Variants in DNAH14 observed in about 807,000 individuals in gnomAD.
The protein encoded by DNAH14 is axonemal beta dynein heavy chain 14.
A neutral mutation model predicts 520.9 loss-of-function variants in DNAH14; 478 were observed. The observed-to-expected ratio is 0.92, with a 90% CI of 0.85 to 0.99. The LOEUF (loss-of-function observed/expected upper bound fraction) is 0.99. DNAH14 is among the 50% of genes least tolerant of loss of function. DNAH14 has a pLI of 0.00. For missense variants in DNAH14, 4,831 were observed against 5,234.5 expected, an observed-to-expected ratio of 0.92 and a Z score of 2.38; for synonymous variants, 1,581 against 1,757.2, an observed-to-expected ratio of 0.90 and a Z score of 2.51.
chr1:225,290,053 C>G lies in DNAH14; in HGVS notation c.8440C>G (p.Leu2814Val). 1 of 1,493,246 alleles carries G rather than the reference C, an allele frequency of 6.7e-7. No homozygotes were observed. Among genetic ancestry groups the G allele is most frequent in the Non-Finnish European group, 8.9e-7 (1 of 1,117,462 alleles). The allele number at this position is 1,493,246 out of a possible 1,614,324, so 92.5% of individuals were successfully genotyped here. A position where few individuals can be genotyped will look rare whatever the true frequency, so the allele number is the denominator to read the frequency against. ...AGGATTAAAAGGGAAACCCACTGTT[C>G]TGATGGTTCCCAATTTAAACATAGA... ...HAGLKGKPTV[L>V]MVPNLNIEQD... Residue 2814 changes from leucine (L) to valine (V), a missense_variant, in exon 55 of 86, where the codon CTG (leucine) becomes GTG (valine). Leu to Val is a conservative substitution (Grantham distance 32). Coordinates refer to ENST00000682510, the MANE Select transcript of DNAH14 (RefSeq NM_001367479.1).
chr1:225,297,632 A>G (rs1296311974), intron 55 of DNAH14, among the ~76,000 whole-genome samples: 5 of 152,214 alleles, frequency 3.3e-5, no homozygotes, highest in Admixed American at 2.6e-4. Context: ...GTTGTAATCC[A>G]TGCTGGTGAC....
chr1:225,022,007 C>T (rs187253491), intron 10 of DNAH14, among the ~76,000 whole-genome samples: 4 of 152,040 alleles, frequency 2.6e-5, no homozygotes, highest in Admixed American at 2.6e-4. Flanking sequence ...GGAGAAAGAA[C>T]TCCCTTTTCA....
In DNAH14 at chr1:225,043,870, T is replaced by C. The variant is rs1202634807; in HGVS notation, c.1815-16T>C. On this transcript the variant is annotated splice_polypyrimidine_tract_variant and intron_variant, in intron 14 of 85. Transcript: ENST00000682510. ...TATATTCCTCTGAAATATGCTTTTA[T>C]TGTTTTCTCTGTTAGATTTCCAGAA... The C allele has an allele frequency of 2.0e-6, 3 of 1,497,730 alleles. No individual in the cohort carries two copies. The highest frequency in any genetic ancestry group is 2.7e-6 in the Non-Finnish European group (3 of 1,103,414). The allele number at this position is 1,497,730 out of a possible 1,614,324, so 92.8% of individuals were successfully genotyped here.
chr1:225,228,610 G>A (rs1031767696), intron 41 of DNAH14, among the ~76,000 whole-genome samples: 5 of 151,960 alleles, frequency 3.3e-5, no homozygotes, highest in African/African-American at 1.2e-4. Flanking sequence ...CCACTCCTGG[G>A]GGGGGTCACT....
Position 225,270,744 on chromosome 1 carries a change from G to A in DNAH14, c.7549G>A (p.Asp2517Asn), listed in dbSNP as rs1295336302. The change falls in exon 50 of 86, where the codon GAT (aspartate) becomes AAT (asparagine). Residue 2517 changes from aspartate to asparagine, a missense_variant. By Grantham distance (23) the Asp-to-Asn change is conservative. Transcript: ENST00000682510. The stretch of plus-strand genomic sequence containing the variant: ...TTTATCCTTATCACAGAATATTCAA[G>A]ATCTGTCTATAGTTGCAGCTTGTGT... Reference protein sequence around the residue: ...TEKNTWKNIQDLSIVAACVPV... With the variant: ...TEKNTWKNIQNLSIVAACVPV... 1.9e-6 allele frequency: 3 copies of A among 1,550,852 alleles called. No individual in the cohort carries two copies. The highest frequency in any genetic ancestry group is 3.9e-5 in the Admixed American group (2 of 50,976).
Position 225,082,740 on chromosome 1 carries a change from G to C in DNAH14, c.3327+1G>C. On this transcript the variant is annotated splice_donor_variant, in intron 20 of 85. Coordinates refer to ENST00000682510, the MANE Select transcript of DNAH14 (RefSeq NM_001367479.1). LOFTEE classifies it high-confidence loss of function. ...AGTAGAGAATCTTCTAGCTCTCAAG[G>C]TAAATAAAAATGGTTTTTTAAAAAA... The C allele has an allele frequency of 1.3e-6, 2 of 1,534,294 alleles. No homozygotes were observed. Among genetic ancestry groups the C allele is most frequent in the Non-Finnish European group, 1.8e-6 (2 of 1,142,620 alleles).
chr1:225,346,761 T>A (rs2095292287), intron 71 of DNAH14, 107 bp downstream of exon 71: 4 of 794,028 alleles, frequency 5.0e-6, no homozygotes, highest in Non-Finnish European at 7.7e-6. Flanking sequence ...AAAGTAAAAG[T>A]AGCTTGAGGT....
intron 74 of DNAH14, 63 bp downstream of exon 74, chr1:225,358,715 C>A (rs1171463985): frequency 8.1e-6 from 12 of 1,481,562 alleles, no homozygotes; most frequent in Non-Finnish European, 1.1e-5. Flanking sequence ...CCACCCAAAT[C>A]TTACCTTGAA....
chr1:225,297,327 A>G (rs529576154), intron 55 of DNAH14, among the ~76,000 whole-genome samples: 1 of 150,676 alleles, frequency 6.6e-6, no homozygotes, highest in South Asian at 2.1e-4. Context: ...TTTCTTTAAG[A>G]TTATTCTTTT....
chr1:225,376,996 C>G (rs1246415746), intron 78 of DNAH14, among the ~76,000 whole-genome samples: 1 of 151,694 alleles, frequency 6.6e-6, no homozygotes, highest in East Asian at 1.9e-4. Context: ...TCTCTTTTCC[C>G]AAAAAGAAAG....
In DNAH14 at chr1:225,314,483, C is replaced by T. The variant is rs543832115; in HGVS notation, c.9241-4100C>T. On this transcript the variant is annotated intron_variant, in intron 60 of 85. Coordinates refer to ENST00000682510, the MANE Select transcript of DNAH14 (RefSeq NM_001367479.1). ...TGAATTTGATCCTGTCATTATGATGCTAGCTGCAGTTTTTTTGCCCGTTAG... is the reference window on the plus strand; with the variant it reads ...TGAATTTGATCCTGTCATTATGATGTTAGCTGCAGTTTTTTTGCCCGTTAG... 3.3e-5 allele frequency among the ~76,000 whole-genome samples: 5 copies of T among 152,250 alleles called. No individual in the cohort carries two copies. The East Asian group carries it at 7.7e-4, about 23-fold the overall frequency.
chr1:224,956,618 C>T (rs924351198), intron 3 of DNAH14, among the ~76,000 whole-genome samples: 7 of 152,066 alleles, frequency 4.6e-5, no homozygotes, highest in South Asian at 2.1e-4. Context: ...CAGAATGTAT[C>T]CCTGTCATTA....
chr1:225,184,437 T>C (rs2084422518), intron 36 of DNAH14, among the ~76,000 whole-genome samples: 1 of 151,996 alleles, frequency 6.6e-6, no homozygotes, highest in South Asian at 2.1e-4. Flanking sequence ...CTGGTCAACA[T>C]GGAGAAACCC....
chr1:224,957,017 G>C lies in DNAH14; in HGVS notation c.217+1919G>C, dbSNP rs77477441. ...TCATTATACTTTGAAGATAAGAGCC[G>C]TGGAAAGGTTCTAAGCAAGGAGTTA... On this transcript the variant is annotated intron_variant, in intron 3 of 85. Transcript: ENST00000682510. Among the ~76,000 whole-genome samples, 320 of 152,256 alleles carry C rather than the reference G, an allele frequency of 2.1e-3. 1 individual carries two copies. Among genetic ancestry groups the C allele is most frequent in the African/African-American group, 7.4e-3 (306 of 41,560 alleles).
chr1:225,097,355 G>A lies in DNAH14; in HGVS notation c.3695+116G>A, dbSNP rs556154704. 1.2e-5 allele frequency: 11 copies of A among 947,242 alleles called. No individual in the cohort carries two copies. In the South Asian group the frequency reaches 1.5e-4, roughly 13 times the overall value. The allele number at this position is 947,242 out of a possible 1,614,324, so 58.7% of individuals were successfully genotyped here. ...AACAAACTATCTTATCCTACCTACA[G>A]ACATAGGGGTATAATTTGCTGAATC... On this transcript the variant is annotated intron_variant, in intron 22 of 85. Transcript: ENST00000682510.
intron 38 of DNAH14, among the ~76,000 whole-genome samples, chr1:225,201,126 G>T (rs2086770645): frequency 6.6e-6 from 1 of 151,850 alleles, no homozygotes; most frequent in African/African-American, 2.4e-5. Context: ...GAGGTCTGAA[G>T]TTCTCCCTTC....
intron 42 of DNAH14, among the ~76,000 whole-genome samples, chr1:225,239,194 CT>C (rs901197555): frequency 6.6e-6 from 1 of 152,130 alleles, no homozygotes; most frequent in Non-Finnish European, 1.5e-5. Flanking sequence ...GATAGATCTC[CT>C]GTCTTTCTGA....
rs190812459 is a variant in DNAH14, at chr1:224,991,157, C to T, written c.831-11626C>T. Among the ~76,000 whole-genome samples the T allele has an allele frequency of 5.5e-3, 705 of 127,536 alleles. 6 individuals carry two copies. Among genetic ancestry groups the T allele is most frequent in the African/African-American group, 0.019 (659 of 34,462 alleles). The allele number at this position is 127,536 out of a possible 152,430, so 83.7% of individuals were successfully genotyped here. ...TTGCCCAGGCTGGAATGCAGTGGTGCGATCTCAGCTCCCTGCAACCTCTGC... is the reference window on the plus strand; with the variant it reads ...TTGCCCAGGCTGGAATGCAGTGGTGTGATCTCAGCTCCCTGCAACCTCTGC... On this transcript the variant is annotated intron_variant, in intron 8 of 85. Coordinates refer to ENST00000682510, the MANE Select transcript of DNAH14 (RefSeq NM_001367479.1).
chr1:225,307,454 C>T lies in DNAH14; in HGVS notation c.9006-7C>T. On this transcript the variant is annotated splice_region_variant and splice_polypyrimidine_tract_variant and intron_variant, in intron 58 of 85. Coordinates refer to ENST00000682510, the MANE Select transcript of DNAH14 (RefSeq NM_001367479.1). ...TTACACCTTCTTAATACTTTTTCTT[C>T]CTTCAGGGATCGCTTCCATATGGGT... 6.6e-7 allele frequency: 1 copy of T among 1,515,822 alleles called. No homozygotes were observed. The highest frequency in any genetic ancestry group is 8.8e-7 in the Non-Finnish European group (1 of 1,130,080). 93.9% of individuals were successfully genotyped at this position (1,515,822 alleles called of 1,614,324 possible).
Sources: gnomAD v4.1 joint callset for allele counts (sites outside exome capture counted in the v4.1 genomes callset) on GRCh38, gnomAD v4.1.1 for gene constraint, MANE v1.5 for transcripts, NCBI Gene and HGNC (gene_info 2026-07-23, HGNC 2026-07-21) for gene names.